UGGT2: variants seen among roughly 807,000 people sequenced by gnomAD.
UGGT2 encodes UDP-glucose:glycoprotein glucosyltransferase 2.
Under a neutral mutation model 192.1 loss-of-function variants are expected in UGGT2, and 180 were observed. The ratio of observed to expected loss-of-function variants is 0.94; its 90% CI spans 0.83 to 1.06. The LOEUF (loss-of-function observed/expected upper bound fraction) is 1.06, where lower values mean the gene tolerates loss of function less well. Ranked by LOEUF, UGGT2 falls within the 50% of genes least tolerant of loss-of-function variation. The pLI is 0.00. For synonymous variants in UGGT2, 580 were observed against 591.0 expected, an observed-to-expected ratio of 0.98 and a Z score of 0.27; for missense variants, 1,849 against 1,795.7, an observed-to-expected ratio of 1.03 and a Z score of -0.54.
intron 38 of UGGT2, among the ~76,000 whole-genome samples, chr13:95,814,676 C>G (rs760249390): frequency 1.3e-5 from 2 of 151,422 alleles, no homozygotes; most frequent in Admixed American, 6.6e-5. Context: ...AGCATTAACT[C>G]AAAACTCCAA....
At chr13:95,982,244 G>A (rs773851590) in intron 10 of UGGT2, among the ~76,000 whole-genome samples, 1 of 152,108 alleles carries the variant, frequency 6.6e-6, no homozygotes, top group East Asian at 1.9e-4. Flanking sequence ...ATGAAAAGCC[G>A]CCCCCAAATC....
At chr13:95,892,523 G>C (rs1172988226) in intron 24 of UGGT2, among the ~76,000 whole-genome samples, 1 of 152,016 alleles carries the variant, frequency 6.6e-6, no homozygotes, top group African/African-American at 2.4e-5. Flanking sequence ...AAAGGGTGAA[G>C]AACTGCTTAG....
chr13:95,837,297 G>C (rs1887396720), intron 36 of UGGT2, 95 bp from the exon 37 acceptor site: 1 of 826,946 alleles, frequency 1.2e-6, no homozygotes, highest in African/African-American at 1.7e-5. Flanking sequence ...ACTGTAAACA[G>C]ATCATAAAAC....
At chr13:95,942,311 GA>G (rs1875942692) in intron 15 of UGGT2, among the ~76,000 whole-genome samples, 1 of 150,740 alleles carries the variant, frequency 6.6e-6, no homozygotes, top group Non-Finnish European at 1.5e-5. Context: ...TTCAAATAGT[GA>G]ATTATTATCA....
chr13:95,828,457 T>C (rs936603179), intron 38 of UGGT2, among the ~76,000 whole-genome samples: 1 of 151,930 alleles, frequency 6.6e-6, no homozygotes, highest in African/African-American at 2.4e-5. Flanking sequence ...AAGAATCAAA[T>C]AGATGCAATA....
rs77936377 is a variant in UGGT2 at position 95,851,736 on chromosome 13, A to G, written c.4284+1807T>C. On this transcript the variant is annotated intron_variant, in intron 36 of 38. Transcript: ENST00000376747. ...TTGGAGGGAGTGGGAGCCAAACTAC[A>G]TTTGAGTAAGGACAATCATCCCCAA... 9.9e-4 allele frequency among the ~76,000 whole-genome samples: 151 copies of G among 152,352 alleles called. 1 individual carries two copies. Among genetic ancestry groups the G allele is most frequent in the African/African-American group, 3.5e-3 (146 of 41,582 alleles).
chr13:95,832,737 G>T (rs751660079), intron 38 of UGGT2, 190 bp downstream of exon 38: 2 of 783,024 alleles, frequency 2.6e-6, no homozygotes, highest in South Asian at 2.7e-5. Context: ...TATCCATGGG[G>T]AAACAGATTA....
chr13:96,033,223 T>C (rs2052892242), intron 1 of UGGT2, among the ~76,000 whole-genome samples: 1 of 152,158 alleles, frequency 6.6e-6, no homozygotes, highest in Admixed American at 6.5e-5. Context: ...CCAAAGTAAT[T>C]TATAGATTCA....
intron 35 of UGGT2, among the ~76,000 whole-genome samples, 181 bp from the exon 36 acceptor site, chr13:95,853,838 G>A (rs549318433): frequency 5.9e-5 from 9 of 152,208 alleles, no homozygotes; most frequent in Admixed American, 5.9e-4. Flanking sequence ...TTTTAAGTTT[G>A]TTTTAATTTT....
At chr13:95,965,301 T>C (rs1323661192) in intron 12 of UGGT2, among the ~76,000 whole-genome samples, 15 of 150,986 alleles carry the variant, frequency 9.9e-5, no homozygotes, top group African/African-American at 3.2e-4. Context: ...TGTATGTTTA[T>C]TGCGGCACTA....
At chr13:95,893,027 G>A (rs1230092794) in intron 24 of UGGT2, among the ~76,000 whole-genome samples, 1 of 152,114 alleles carries the variant, frequency 6.6e-6, no homozygotes, top group African/African-American at 2.4e-5. Flanking sequence ...GAGTCTAAAT[G>A]GAAGGGAATA....
chr13:95,876,795 A>G lies in UGGT2; in HGVS notation c.3473+484T>C, dbSNP rs150122283. ...ATGTGTGGAGTGGATAGTTGTTCAA[A>G]TTGATGTTTCTGCATGGGTATGAGC... is the stretch of plus-strand genomic sequence containing the variant. On this transcript the variant is annotated intron_variant, in intron 29 of 38. Transcript: ENST00000376747. 3.9e-3 allele frequency: 582 copies of G among 151,054 alleles called. 3 individuals carry two copies. The highest frequency in any genetic ancestry group is 0.014 in the African/African-American group (558 of 40,888). 9.4% of individuals were successfully genotyped at this position (151,054 alleles called of 1,614,324 possible). A position where few individuals can be genotyped will look rare whatever the true frequency, so the allele number is the denominator to read the frequency against.
intron 12 of UGGT2, among the ~76,000 whole-genome samples, chr13:95,959,741 A>C (rs771226678): frequency 6.6e-6 from 1 of 152,146 alleles, no homozygotes; most frequent in African/African-American, 2.4e-5. Context: ...ACCACTGCTC[A>C]GGTGCTCAAG....
chr13:96,018,314 G>A (rs978102291), intron 4 of UGGT2, among the ~76,000 whole-genome samples: 7 of 152,000 alleles, frequency 4.6e-5, no homozygotes, highest in Non-Finnish European at 8.8e-5. Flanking sequence ...TCAGGAATTC[G>A]AGTCCAGCCT....
In UGGT2 at chr13:95,979,548, C is replaced by CAAAA. The variant is rs57487353; in HGVS notation, c.1092+4252_1092+4255dup. Among the ~76,000 whole-genome samples the CAAAA allele has an allele frequency of 3.2e-3, 320 of 98,800 alleles. 13 individuals carry two copies. Among genetic ancestry groups the CAAAA allele is most frequent in the Middle Eastern group, 0.015 (3 of 202 alleles). 64.8% of individuals were successfully genotyped at this position (98,800 alleles called of 152,430 possible). ...TTCTCATTTCCCCTGGTCTCTTACG[C>CAAAA]AAAAAAAAAAAAAATACAGACTTGC... On this transcript the variant is annotated intron_variant, in intron 10 of 38. Transcript: ENST00000376747.
chr13:95,887,529 G>A (rs2047679647), intron 26 of UGGT2: 2 of 304,538 alleles, frequency 6.6e-6, no homozygotes, highest in South Asian at 6.4e-5. Flanking sequence ...TAGTAAATGT[G>A]ATGATATAAT....
At chr13:95,802,209 T>C (rs1435870530) in intron 38 of UGGT2, among the ~76,000 whole-genome samples, 1 of 152,204 alleles carries the variant, frequency 6.6e-6, no homozygotes, top group Non-Finnish European at 1.5e-5. Flanking sequence ...AGAGGACATA[T>C]TAATATATAG....
At chr13:95,899,698 C>A (rs72636558) in intron 22 of UGGT2, among the ~76,000 whole-genome samples, 3,869 of 152,002 alleles carry the variant, frequency 0.025, 132 homozygotes, top group Admixed American at 0.1. Context: ...CAAAGACAGC[C>A]AAAAGCTTTA....
intron 5 of UGGT2, among the ~76,000 whole-genome samples, chr13:96,011,968 TTAACATGGC>T (rs1228642337): frequency 6.6e-6 from 1 of 152,134 alleles, no homozygotes; most frequent in East Asian, 1.9e-4. Flanking sequence ...AATTCTAAAA[TTAACATGGC>T]TACATATCAT....
Sources: gnomAD v4.1 joint callset for allele counts (sites outside exome capture counted in the v4.1 genomes callset) on GRCh38, gnomAD v4.1.1 for gene constraint, MANE v1.5 for transcripts, NCBI Gene and HGNC (gene_info 2026-07-23, HGNC 2026-07-21) for gene names.